Variants in MACF1 observed in about 807,000 individuals in gnomAD.
MACF1 encodes the protein microtubule actin crosslinking factor 1, also known as microtubule-actin cross-linking factor 1.
Under a neutral mutation model 854.8 loss-of-function variants are expected in MACF1, and 193 were observed. The ratio of observed to expected loss-of-function variants is 0.23; its 90% confidence interval spans 0.20 to 0.25. MACF1 has a LOEUF of 0.25. Ranked by LOEUF, MACF1 falls within the 10% of genes least tolerant of loss-of-function variation. The pLI is 1.00. For missense variants in MACF1, 7,722 were observed against 8,929.1 expected (o/e 0.86, Z 5.45); for synonymous variants, 3,185 against 3,226.7 (o/e 0.99, Z 0.44).
rs1449015268 is a variant in MACF1 at position 39,460,428 on chromosome 1, T to C, written c.21361-204T>C. 6.6e-6 allele frequency among the ~76,000 whole-genome samples: 1 copy of C among 152,236 alleles called. No homozygotes were observed. Among genetic ancestry groups the C allele is most frequent in the African/African-American group, 2.4e-5 (1 of 41,456 alleles). On this transcript the variant is annotated intron_variant, in intron 91 of 100. Coordinates refer to ENST00000564288, the MANE Select transcript of MACF1 (RefSeq NM_001394062.1). This position sits in a 1 kb window ranked among gnomAD's most constrained non-coding sequence, Gnocchi z 4.1. ...AGTTATTGTTTCTCTTGCTATTCCA[T>C]TATACCATAGCTCGTGTAAATAGTC...
intron 58 of MACF1, among the ~76,000 whole-genome samples, chr1:39,390,749 AC>A (rs1338889708): frequency 6.6e-6 from 1 of 152,168 alleles, no homozygotes; most frequent in African/African-American, 2.4e-5. Context: ...TTTAGAATTA[AC>A]CATCTAACCA....
chr1:39,345,732 C>T (rs943716777), intron 40 of MACF1, among the ~76,000 whole-genome samples: 1 of 152,154 alleles, frequency 6.6e-6, no homozygotes, highest in African/African-American at 2.4e-5. Flanking sequence ...CAATTAGGTA[C>T]ATCTCAGATC....
Position 39,262,624 on chromosome 1 carries a change from A to G in MACF1, c.528+4596A>G, listed in dbSNP as rs77951559. ...TAGTAACAACTTATTATAATTATTA[A>G]TTGACCTTATAACTTCCAGGGCTTT... is the stretch of plus-strand genomic sequence containing the variant. On this transcript the variant is annotated intron_variant, in intron 6 of 100. Transcript: ENST00000564288. 2.9e-3 allele frequency among the ~76,000 whole-genome samples: 444 copies of G among 152,272 alleles called. 16 individuals are homozygous for G. In the East Asian group the frequency reaches 0.074, roughly 25 times the overall value.
At chr1:39,264,965 C>T (rs569559876) in intron 6 of MACF1, among the ~76,000 whole-genome samples, 1 of 152,276 alleles carries the variant, frequency 6.6e-6, no homozygotes, top group Non-Finnish European at 1.5e-5. Context: ...TGAGCCACCG[C>T]GCCCGGCCAG....
intron 2 of MACF1, among the ~76,000 whole-genome samples, chr1:39,094,687 C>T (rs1027149774): frequency 9.3e-5 from 14 of 150,926 alleles, no homozygotes; most frequent in African/African-American, 3.2e-4. Context: ...CATTGCACTC[C>T]AGTCTGGGCA....
chr1:39,468,805 G>A (rs991451489), intron 96 of MACF1, 73 bp downstream of exon 96: 2 of 1,318,934 alleles, frequency 1.5e-6, no homozygotes, highest in Admixed American at 1.7e-5. Flanking sequence ...CTTACAGGAA[G>A]CATTGATGGT....
At chr1:39,450,226 C>T (rs893011111) in intron 84 of MACF1, among the ~76,000 whole-genome samples, 2 of 151,976 alleles carry the variant, frequency 1.3e-5, no homozygotes, top group African/African-American at 4.8e-5. Context: ...AACTCCTGAC[C>T]TCAAGTGATC....
intron 2 of MACF1, among the ~76,000 whole-genome samples, chr1:39,238,183 C>T (rs1205577799): frequency 1.3e-5 from 2 of 152,166 alleles, no homozygotes; most frequent in African/African-American, 4.8e-5. Context: ...GCGTCTGTCC[C>T]TGACTGCTGT....
chr1:39,193,624 T>C (rs1644282901), intron 2 of MACF1, among the ~76,000 whole-genome samples: 1 of 152,226 alleles, frequency 6.6e-6, no homozygotes, highest in African/African-American at 2.4e-5. Context: ...ATCCTCACTG[T>C]AACACTGTGA....
intron 35 of MACF1, among the ~76,000 whole-genome samples, chr1:39,326,274 G>C (rs953012918): frequency 6.6e-6 from 1 of 152,160 alleles, no homozygotes; most frequent in Non-Finnish European, 1.5e-5. Flanking sequence ...GAAAGTTGCG[G>C]GATTCATCAG....
chr1:39,087,618 G>A (rs940133690), intron 2 of MACF1, among the ~76,000 whole-genome samples: 1 of 152,162 alleles, frequency 6.6e-6, no homozygotes, highest in African/African-American at 2.4e-5. Context: ...AAAGTGTCTT[G>A]TTTCGGTTTA....
chr1:39,322,826 G>A (rs1646539092), intron 32 of MACF1, 84 bp from the exon 33 acceptor site: 6 of 1,487,682 alleles, frequency 4.0e-6, no homozygotes, highest in African/African-American at 1.4e-5. Flanking sequence ...ACATGTGACT[G>A]CATGAACATT....
chr1:39,417,738 TTTTTTTTTTTTGG>T, intron 58 of MACF1, among the ~76,000 whole-genome samples: 2 of 125,472 alleles, frequency 1.6e-5, no homozygotes, highest in East Asian at 2.3e-4. Flanking sequence ...TTTTTTTTTT[TTTTTTTTTTTTGG>T]ATTTTTAGTA....
At position 39,422,770 on chromosome 1, in the gene MACF1, A is replaced by G. The variant is rs1159860496; in HGVS notation, c.16019A>G (p.His5340Arg). 1.7e-5 allele frequency: 27 copies of G among 1,614,124 alleles called. No individual in the cohort carries two copies. Among genetic ancestry groups the G allele is most frequent in the Non-Finnish European group, 1.9e-5 (23 of 1,180,054 alleles). Residue 5340 changes from histidine to arginine, a missense_variant, in exon 60 of 101, where the codon CAT (histidine) becomes CGT (arginine). His to Arg is a conservative substitution (Grantham distance 29). Coordinates refer to ENST00000564288, the MANE Select transcript of MACF1 (RefSeq NM_001394062.1). ...RIAQLQEALL[H>R]CGKFQDALEP... is the part of the protein sequence containing the mutation. ...GCACAGCTACAGGAAGCTTTGTTGC[A>G]TTGTGGGAAGTTTCAAGATGCCTTG...
In MACF1 at chr1:39,251,598, A is replaced by G. The variant is rs536527344; in HGVS notation, c.262-248A>G. Among the ~76,000 whole-genome samples the G allele has an allele frequency of 4.6e-5, 7 of 152,280 alleles. No individual in the cohort carries two copies. The East Asian group carries it at 1.4e-3, about 29-fold the overall frequency. On this transcript the variant is annotated intron_variant, in intron 3 of 100. Coordinates refer to ENST00000564288, the MANE Select transcript of MACF1 (RefSeq NM_001394062.1). ...GTTATTCTCACCATGTTTTTTCCCC[A>G]TAGTTGACTTAGAAAAGCAGAGAGG...
rs1184721790 is a variant in MACF1 at position 39,387,959 on chromosome 1, G to A, written c.15117G>A (p.Leu5039=). 1.2e-6 allele frequency: 2 copies of A among 1,614,044 alleles called. No homozygotes were observed. The highest frequency in any genetic ancestry group is 1.7e-5 in the Admixed American group (1 of 60,002). ...ACCAACTTGAGATCTTTGATGCTCT[G>A]GGTTCTCAAGCCTGTAGCAACAAGA... ...AKHQLEIFDA[L]GSQACSNKNL... The change falls in exon 58 of 101, where the codon CTG becomes CTA. Residue 5039 remains leucine, a synonymous_variant. Coordinates refer to ENST00000564288, the MANE Select transcript of MACF1 (RefSeq NM_001394062.1).
rs189761860 is a variant in MACF1 at position 39,371,535 on chromosome 1, A to G, written c.13096-944A>G. Among the ~76,000 whole-genome samples the G allele has an allele frequency of 1.4e-3, 218 of 152,202 alleles. 2 individuals are homozygous for G. Among genetic ancestry groups the G allele is most frequent in the African/African-American group, 5.0e-3 (208 of 41,538 alleles). On this transcript the variant is annotated intron_variant, in intron 51 of 100. Transcript: ENST00000564288. ...TTCTCTGAAAGGAGTAAAATCCTAC[A>G]ACTATGGCAGGAGACATCTTGGAGA...
rs1198315913 is a variant in MACF1, at chr1:39,332,045, G to A, written c.5457G>A (p.Gly1819=). ...QTGGIIDTVT[G]QRLTIDEAVS... ...GAGGCATCATAGACACTGTCACGGG[G>A]CAAAGGCTAACAATAGATGAAGCAG... The change falls in exon 37 of 101, where the codon GGG becomes GGA. Residue 1819 remains glycine (G), a synonymous_variant. Coordinates refer to ENST00000564288, the MANE Select transcript of MACF1 (RefSeq NM_001394062.1). 1 of 1,614,000 alleles carries A rather than the reference G, an allele frequency of 6.2e-7. No individual in the cohort carries two copies. Among genetic ancestry groups the A allele is most frequent in the South Asian group, 1.1e-5 (1 of 91,062 alleles).
chr1:39,252,741 T>G (rs1395785074), intron 4 of MACF1, among the ~76,000 whole-genome samples: 1 of 152,208 alleles, frequency 6.6e-6, no homozygotes, highest in African/African-American at 2.4e-5. Flanking sequence ...TTAATTTAGC[T>G]GAAATGACTG....
Sources: allele counts gnomAD v4.1 joint callset (sites outside exome capture counted in the v4.1 genomes callset), GRCh38; gene constraint gnomAD v4.1.1; non-coding constraint Gnocchi (gnomAD v3.1); transcripts MANE v1.5; gene names NCBI Gene and HGNC (gene_info 2026-07-23, HGNC 2026-07-21).